IREB2: variants seen among roughly 807,000 people sequenced by gnomAD.
The protein encoded by IREB2 is iron responsive element binding protein 2.
In IREB2, 39 loss-of-function variants were observed where a neutral mutation model predicts 118.8. The ratio of observed to expected loss-of-function variants is 0.33; its 90% confidence interval spans 0.25 to 0.43. IREB2 has a LOEUF of 0.43. Among genes scored for constraint, IREB2 ranks in the 20% least tolerant of loss-of-function variants. The probability of loss-of-function intolerance (pLI) is 1.00; values close to 1 mark genes in which losing one functional copy is unlikely to be tolerated. For missense variants in IREB2, 900 were observed against 1,147.3 expected (o/e 0.78, Z 3.11); for synonymous variants, 372 against 392.2 (o/e 0.95, Z 0.61).
chr15:78,495,446 G>A (rs893161623), intron 20 of IREB2, among the ~76,000 whole-genome samples: 1 of 152,114 alleles, frequency 6.6e-6, no homozygotes, highest in African/African-American at 2.4e-5. Flanking sequence ...TGGGGGCTGG[G>A]TTGTGTCAGT....
intron 9 of IREB2, among the ~76,000 whole-genome samples, chr15:78,477,553 A>T (rs2051492770): frequency 6.6e-6 from 1 of 152,206 alleles, no homozygotes; most frequent in South Asian, 2.1e-4. Context: ...GAGAAATGTA[A>T]ATGAATATGT....
intron 5 of IREB2, among the ~76,000 whole-genome samples, chr15:78,469,080 A>G (rs1477645166): frequency 6.6e-6 from 1 of 152,202 alleles, no homozygotes; most frequent in Non-Finnish European, 1.5e-5. Context: ...TCCGAATTAC[A>G]AAGTATTAAG....
intron 10 of IREB2, 43 bp downstream of exon 10, chr15:78,478,440 G>A: frequency 8.2e-7 from 1 of 1,213,770 alleles, no homozygotes; most frequent in Non-Finnish European, 1.2e-6. Flanking sequence ...AGTGTAAATT[G>A]TGGTGTAATC....
chr15:78,490,327 A>G lies in IREB2; in HGVS notation c.2077-95A>G, dbSNP rs542952914. 147 of 689,298 alleles carry G rather than the reference A, an allele frequency of 2.1e-4. No individual in the cohort carries two copies. In the African/African-American group the frequency reaches 2.5e-3, roughly 12 times the overall value. 42.7% of individuals were successfully genotyped at this position (689,298 alleles called of 1,614,324 possible). On this transcript the variant is annotated intron_variant, in intron 16 of 21. Coordinates refer to ENST00000258886, the MANE Select transcript of IREB2 (RefSeq NM_004136.4). ...ATTTTTGTTGTTGTTGTTGTGACCT[A>G]AGTACTATTTTATTCCCTTGATCAT...
chr15:78,487,470 C>G (rs1706724757), intron 13 of IREB2, among the ~76,000 whole-genome samples: 1 of 151,970 alleles, frequency 6.6e-6, no homozygotes, highest in South Asian at 2.1e-4. Context: ...GCCTGTGGCC[C>G]CAGCTACTTA....
intron 7 of IREB2, 75 bp from the exon 8 acceptor site, chr15:78,473,167 C>G (rs1346358391): frequency 2.1e-6 from 3 of 1,395,890 alleles, no homozygotes; most frequent in South Asian, 2.5e-5. Flanking sequence ...CATGAAACAC[C>G]TAGAGATTCA....
chr15:78,444,027 G>A (rs558813954), intron 2 of IREB2, among the ~76,000 whole-genome samples: 1 of 151,832 alleles, frequency 6.6e-6, no homozygotes, highest in South Asian at 2.1e-4. Flanking sequence ...TCAAAATCTA[G>A]GTAGTCTCAA....
chr15:78,445,074 C>T (rs2050905654), intron 2 of IREB2, among the ~76,000 whole-genome samples: 1 of 151,928 alleles, frequency 6.6e-6, no homozygotes, highest in Non-Finnish European at 1.5e-5. Context: ...ATGTTATTTC[C>T]TCCACCCCAT....
intron 16 of IREB2, 89 bp downstream of exon 16, chr15:78,488,860 A>T: frequency 1.3e-6 from 1 of 753,900 alleles, no homozygotes. Flanking sequence ...AAAAATTAAA[A>T]TTACATTATT....
Position 78,498,361 on chromosome 15 carries a change from G to A in IREB2, c.*218G>A, listed in dbSNP as rs2051877519. 1 of 311,440 alleles carries A rather than the reference G, an allele frequency of 3.2e-6. No individual in the cohort carries two copies. The highest frequency in any genetic ancestry group is 2.2e-5 in the African/African-American group (1 of 45,072). The allele number at this position is 311,440 out of a possible 1,614,324, so 19.3% of individuals were successfully genotyped here. A position where few individuals can be genotyped will look rare whatever the true frequency, so the allele number is the denominator to read the frequency against. On this transcript the variant is annotated 3_prime_UTR_variant, in exon 22 of 22. Coordinates refer to ENST00000258886, the MANE Select transcript of IREB2 (RefSeq NM_004136.4). ...CTATTAATATTGCTAAAATCAACGT[G>A]TGAAGTGTGTTGTGGAAGAGACCTG...
chr15:78,488,903 T>C (rs1043935858), intron 16 of IREB2, 132 bp downstream of exon 16: 28 of 557,864 alleles, frequency 5.0e-5, no homozygotes, highest in Non-Finnish European at 5.9e-6. Flanking sequence ...AATAGTAAGT[T>C]TGTATCTGGA....
chr15:78,460,813 C>A lies in IREB2; in HGVS notation c.107-2109C>A, dbSNP rs1479600873. ...GAAATGTAAGGACTTAACTTGGCTA[C>A]TGTGATTTTTTTTTCCAGATTTTAA... is the stretch of plus-strand genomic sequence containing the variant. On this transcript the variant is annotated intron_variant, in intron 2 of 21. Transcript: ENST00000258886. Among the ~76,000 whole-genome samples the A allele has an allele frequency of 3.3e-5, 5 of 151,894 alleles. No individual in the cohort carries two copies. The East Asian group carries it at 7.7e-4, about 23-fold the overall frequency.
chr15:78,495,919 T>G lies in IREB2; in HGVS notation c.2596-1207T>G, dbSNP rs548708732. On this transcript the variant is annotated intron_variant, in intron 20 of 21. Coordinates refer to ENST00000258886, the MANE Select transcript of IREB2 (RefSeq NM_004136.4). ...TTAGGTAGACAGTGGAGAAAAAAGTTGAAAAACACAAGTCTAGAGCCTTTG... is the reference window on the plus strand; with the variant it reads ...TTAGGTAGACAGTGGAGAAAAAAGTGGAAAAACACAAGTCTAGAGCCTTTG... Among the ~76,000 whole-genome samples, 11 of 152,274 alleles carry G rather than the reference T, an allele frequency of 7.2e-5. 1 individual carries two copies. The East Asian group carries it at 1.9e-3, about 27-fold the overall frequency.
chr15:78,486,982 C>T (rs1439850317), intron 13 of IREB2, among the ~76,000 whole-genome samples: 2 of 152,154 alleles, frequency 1.3e-5, no homozygotes, highest in Non-Finnish European at 2.9e-5. Context: ...GTTATATTTT[C>T]GGTGTGTATT....
At chr15:78,446,022 G>A (rs2050922628) in intron 2 of IREB2, among the ~76,000 whole-genome samples, 1 of 152,172 alleles carries the variant, frequency 6.6e-6, no homozygotes, top group South Asian at 2.1e-4. Flanking sequence ...GGCTTCAAGT[G>A]ATCCTTCTGC....
chr15:78,479,547 A>G (rs542066632), intron 10 of IREB2, among the ~76,000 whole-genome samples: 1 of 152,032 alleles, frequency 6.6e-6, no homozygotes, highest in South Asian at 2.1e-4. Flanking sequence ...TATGAAGTCT[A>G]ATTTTTTAGT....
intron 2 of IREB2, among the ~76,000 whole-genome samples, chr15:78,443,370 T>TGGGAGTG (rs1285343706): frequency 6.6e-6 from 1 of 152,190 alleles, no homozygotes; most frequent in Admixed American, 6.5e-5. Context: ...GAGAAGTGGT[T>TGGGAGTG]GGGAGTGGGT....
At chr15:78,497,687 T>C (rs1056812582) in intron 21 of IREB2, among the ~76,000 whole-genome samples, 26 of 152,312 alleles carry the variant, frequency 1.7e-4, no homozygotes, top group South Asian at 2.1e-4. Context: ...AAACAGACTT[T>C]ACAACTAAGA....
At chr15:78,497,497 G>A (rs1460811912) in intron 21 of IREB2, among the ~76,000 whole-genome samples, 186 bp downstream of exon 21, 1 of 152,086 alleles carries the variant, frequency 6.6e-6, no homozygotes, top group Non-Finnish European at 1.5e-5. Flanking sequence ...GAGGAAAAGT[G>A]GAAAGAACTG....
Sources: allele counts gnomAD v4.1 joint callset (sites outside exome capture counted in the v4.1 genomes callset), GRCh38; gene constraint gnomAD v4.1.1; transcripts MANE v1.5; gene names NCBI Gene and HGNC (gene_info 2026-07-23, HGNC 2026-07-21).